Variants in SLC25A23 observed in about 807,000 individuals in gnomAD.
SLC25A23 encodes mitochondrial adenyl nucleotide antiporter SLC25A23.
Under a neutral mutation model 53.9 loss-of-function variants are expected in SLC25A23, and 32 were observed. That is an observed-to-expected ratio of 0.59 (90% confidence interval 0.45 to 0.80). The LOEUF is 0.80. SLC25A23 is among the 30% of genes least tolerant of loss of function. The pLI, the probability that SLC25A23 is intolerant of heterozygous loss-of-function variation, is 0.00. For synonymous variants in SLC25A23, 275 were observed against 264.5 expected, an observed-to-expected ratio of 1.04 and a Z score of -0.38; for missense variants, 575 against 651.4, an observed-to-expected ratio of 0.88 and a Z score of 1.28.
At chr19:6,458,106 C>T (rs1445700469) in intron 2 of SLC25A23, 92 bp downstream of exon 2, 22 of 1,494,282 alleles carry the variant, frequency 1.5e-5, no homozygotes, top group South Asian at 3.8e-5. Flanking sequence ...TCCCCCTCTC[C>T]TCCTAGCGCT....
intron 8 of SLC25A23, among the ~76,000 whole-genome samples, chr19:6,448,238 A>C (rs1208830882): frequency 6.6e-6 from 1 of 152,112 alleles, no homozygotes; most frequent in Admixed American, 6.6e-5. Flanking sequence ...CTGAAACTGG[A>C]ATTGTGTTGA....
At chr19:6,457,891 C>T (rs1046256914) in intron 2 of SLC25A23, among the ~76,000 whole-genome samples, 1 of 152,114 alleles carries the variant, frequency 6.6e-6, no homozygotes, top group African/African-American at 2.4e-5. Context: ...AACCCAGATG[C>T]TGCTATGAGG....
chr19:6,449,537 C>T lies in SLC25A23; in HGVS notation c.1071+2775G>A, dbSNP rs570675503. On this transcript the variant is annotated intron_variant, in intron 8 of 9. Coordinates refer to ENST00000301454, the MANE Select transcript of SLC25A23 (RefSeq NM_024103.3). Reference sequence around the variant, plus strand: ...TCATGCCATTCTCCTGCCTCAGCCTCCCAAGCAGCTGGGATTACAGGTGCC... The same window carrying T: ...TCATGCCATTCTCCTGCCTCAGCCTTCCAAGCAGCTGGGATTACAGGTGCC... 2.1e-4 allele frequency among the ~76,000 whole-genome samples: 32 copies of T among 152,154 alleles called. No individual in the cohort carries two copies. The South Asian group carries it at 4.4e-3, about 21-fold the overall frequency.
downstream of SLC25A23, chr19:6,436,309 C>G (rs1433782647): frequency 2.4e-6 from 1 of 409,746 alleles, no homozygotes; most frequent in Admixed American, 2.6e-5. Context: ...GAGGGATCCA[C>G]AAAGCTTGGA....
At chr19:6,439,365 G>A (rs1006571682), downstream of SLC25A23, among the ~76,000 whole-genome samples, 1 of 148,002 alleles carries the variant, frequency 6.8e-6, no homozygotes, top group Non-Finnish European at 1.5e-5. Context: ...CTCTAACCTG[G>A]GCTGCAGAGT....
At position 6,452,451 on chromosome 19, in the gene SLC25A23, C is replaced by T. The variant is rs932350093; in HGVS notation, c.932G>A (p.Arg311Gln). ...EVLKTRLTLR[R>Q]TGQYKGLLDC... ...CAGCAGCCCCTTATACTGGCCCGTC[C>T]GGCGCAAGGTCAGCCGCGTCTTCAG... The change falls in exon 8 of 10, where the codon CGG becomes CAG. Residue 311 changes from arginine (R) to glutamine (Q), a missense_variant. Physicochemically the swap from Arg to Gln is conservative, Grantham distance 43. Coordinates refer to ENST00000301454, the MANE Select transcript of SLC25A23 (RefSeq NM_024103.3). 43 of 1,609,874 alleles carry T rather than the reference C, an allele frequency of 2.7e-5. No homozygotes were observed. Among genetic ancestry groups the T allele is most frequent in the Non-Finnish European group, 3.5e-5 (41 of 1,177,184 alleles).
chr19:6,437,820 A>AAGGCCGG (rs2092348878), downstream of SLC25A23, among the ~76,000 whole-genome samples: 1 of 148,256 alleles, frequency 6.7e-6, no homozygotes, highest in South Asian at 2.2e-4. Context: ...GAAAAAAAAA[A>AAGGCCGG]AGGCCGGGCG....
At chr19:6,436,334 C>A, downstream of SLC25A23, 1 of 445,448 alleles carries the variant, frequency 2.2e-6, no homozygotes. Flanking sequence ...CCAGGGAATT[C>A]AACTGATAGA....
intron 4 of SLC25A23, chr19:6,455,820 G>A (rs2092673526): frequency 2.6e-5 from 8 of 309,166 alleles, no homozygotes; most frequent in South Asian, 1.4e-4. Context: ...CTGGGTTCAC[G>A]CCATTCTCCT....
In SLC25A23 at chr19:6,442,177, G is replaced by T. The variant is rs772806757; in HGVS notation, c.1223-18C>A. 3 of 1,476,028 alleles carry T rather than the reference G, an allele frequency of 2.0e-6. No individual in the cohort carries two copies. The highest frequency in any genetic ancestry group is 1.3e-5 in the South Asian group (1 of 75,816). 91.4% of individuals were successfully genotyped at this position (1,476,028 alleles called of 1,614,324 possible). ...GATGGAGGCTGGGAGGGGGCGGGGG[G>T]GGCACCAGGTAAGGCCAACGTTCCC... On this transcript the variant is annotated intron_variant, in intron 9 of 9. Transcript: ENST00000301454.
chr19:6,444,671 T>C (rs1228930103), intron 8 of SLC25A23, among the ~76,000 whole-genome samples: 1 of 151,956 alleles, frequency 6.6e-6, no homozygotes, highest in African/African-American at 2.4e-5. Flanking sequence ...TAAAAATTAT[T>C]ATTATTATTA....
chr19:6,446,974 T>G (rs2092514258), intron 8 of SLC25A23, among the ~76,000 whole-genome samples: 1 of 151,988 alleles, frequency 6.6e-6, no homozygotes, highest in African/African-American at 2.4e-5. Flanking sequence ...TGAATGTATC[T>G]ACAAGCCAAA....
At chr19:6,452,165 T>A in intron 8 of SLC25A23, 147 bp downstream of exon 8, 1 of 1,133,392 alleles carries the variant, frequency 8.8e-7, no homozygotes, top group African/African-American at 1.6e-5. Context: ...TCCCCAGGAT[T>A]CCCAGGGCCA....
chr19:6,446,480 A>G (rs968225154), intron 8 of SLC25A23, among the ~76,000 whole-genome samples: 6 of 152,234 alleles, frequency 3.9e-5, no homozygotes. Context: ...TCTTACTGCC[A>G]ACATTTACCC....
Position 6,456,514 on chromosome 19 carries a change from G to C in SLC25A23, c.389C>G (p.Thr130Arg). 2 of 1,613,610 alleles carry C rather than the reference G, an allele frequency of 1.2e-6. No individual in the cohort carries two copies. The highest frequency in any genetic ancestry group is 4.5e-5 in the East Asian group (2 of 44,866). ...KILHSMDRDG[T>R]MTIDWQEWRD... Reference sequence around the variant, plus strand: ...CCATTCTTGCCAGTCAATGGTCATTGTGCCGTCTCGGTCCATGCTGGGGGG... The same window carrying C: ...CCATTCTTGCCAGTCAATGGTCATTCTGCCGTCTCGGTCCATGCTGGGGGG... The change falls in exon 4 of 10, where the codon ACA becomes AGA. Residue 130 changes from threonine to arginine, a missense_variant. Thr to Arg is a moderately conservative substitution (Grantham distance 71). Coordinates refer to ENST00000301454, the MANE Select transcript of SLC25A23 (RefSeq NM_024103.3).
At chr19:6,447,049 TA>T (rs112920527) in intron 8 of SLC25A23, among the ~76,000 whole-genome samples, 28,137 of 152,004 alleles carry the variant, frequency 0.19, 6,654 homozygotes, top group African/African-American at 0.56. Context: ...GATTCTCCCC[TA>T]ACAAGTTTGA....
chr19:6,436,812 T>C (rs1478088093), downstream of SLC25A23, among the ~76,000 whole-genome samples: 1 of 151,428 alleles, frequency 6.6e-6, no homozygotes, highest in Non-Finnish European at 1.5e-5. Flanking sequence ...CCTCCCAAAA[T>C]GCTAGGATTA....
chr19:6,444,164 G>A lies in SLC25A23; in HGVS notation c.1209C>T (p.Arg403=). Residue 403 remains arginine (R), a synonymous_variant, in exon 9 of 10, where the codon CGC becomes CGT. Transcript: ENST00000301454. ...CCCAGGCCTCACCTTGTGCCTGCAT[G>A]CGGGTCCGGACCAGGGCCAGCGGGT... ...ASYPLALVRT[R]MQAQASIEGG... 3.2e-6 allele frequency: 5 copies of A among 1,586,418 alleles called. No homozygotes were observed. Among genetic ancestry groups the A allele is most frequent in the East Asian group, 2.3e-5 (1 of 44,026 alleles).
In SLC25A23 at chr19:6,454,536, C is replaced by A. The variant is rs751505416; in HGVS notation, c.642+23G>T. The stretch of plus-strand genomic sequence containing the variant: ...CAGGTGTCAGGCCTGGGGGAGGGGG[C>A]AGGTCTCTCCAGAGCCCCTCACCTG... On this transcript the variant is annotated intron_variant, in intron 5 of 9. Transcript: ENST00000301454. The surrounding 1 kb of genome is among the most constrained non-coding windows in gnomAD (Gnocchi z 4.3). The A allele has an allele frequency of 8.1e-6, 13 of 1,612,946 alleles. No individual in the cohort carries two copies. Among genetic ancestry groups the A allele is most frequent in the Non-Finnish European group, 1.0e-5 (12 of 1,179,464 alleles).
Sources: allele counts gnomAD v4.1 joint callset (sites outside exome capture counted in the v4.1 genomes callset), GRCh38; gene constraint gnomAD v4.1.1; non-coding constraint Gnocchi (gnomAD v3.1); transcripts MANE v1.5; gene names NCBI Gene and HGNC (gene_info 2026-07-23, HGNC 2026-07-21).